Variants in ATP2B4 observed in about 807,000 individuals in gnomAD.
The protein encoded by ATP2B4 is plasma membrane calcium-transporting ATPase 4.
Under a neutral mutation model 110.3 loss-of-function variants are expected in ATP2B4, and 39 were observed. The ratio of observed to expected loss-of-function variants is 0.35; its 90% confidence interval spans 0.27 to 0.46. ATP2B4 has a LOEUF of 0.46. Among genes scored for constraint, ATP2B4 ranks in the 20% least tolerant of loss-of-function variants. The pLI, the probability that ATP2B4 is intolerant of heterozygous loss-of-function variation, is 1.00. For synonymous variants in ATP2B4, 538 were observed against 571.7 expected (o/e 0.94, Z 0.84); for missense variants, 1,135 against 1,530.9 (o/e 0.74, Z 4.32).
At chr1:203,646,711 C>T (rs1263524064) in intron 1 of ATP2B4, among the ~76,000 whole-genome samples, 1 of 151,850 alleles carries the variant, frequency 6.6e-6, no homozygotes. Context: ...TACAGTGAGC[C>T]GAGATTGTGC....
chr1:203,669,402 A>T (rs527868833), intron 1 of ATP2B4, among the ~76,000 whole-genome samples: 1 of 152,172 alleles, frequency 6.6e-6, no homozygotes, highest in East Asian at 1.9e-4. Context: ...TGGAGACTGG[A>T]TCCCTTTCCA....
intron 1 of ATP2B4, among the ~76,000 whole-genome samples, chr1:203,679,676 A>C (rs1664939623): frequency 6.6e-6 from 1 of 152,140 alleles, no homozygotes; most frequent in Non-Finnish European, 1.5e-5. Flanking sequence ...CAAGGTCAAG[A>C]GATCGAGACC....
chr1:203,705,540 C>G (rs565016872), intron 8 of ATP2B4, among the ~76,000 whole-genome samples: 49 of 152,318 alleles, frequency 3.2e-4, no homozygotes, highest in African/African-American at 1.2e-3. Context: ...TGTGCATCAC[C>G]ATGCCTGGCT....
intron 20 of ATP2B4, among the ~76,000 whole-genome samples, chr1:203,739,008 T>C (rs551578802): frequency 6.6e-6 from 1 of 152,350 alleles, no homozygotes; most frequent in South Asian, 2.1e-4. Context: ...TGGTCACTCG[T>C]CACCCAACCT....
At chr1:203,707,359 T>G in intron 9 of ATP2B4, 136 bp downstream of exon 9, 1 of 743,578 alleles carries the variant, frequency 1.3e-6, no homozygotes, top group African/African-American at 1.8e-5. Context: ...CAGAAGTCCC[T>G]GGTATTATGG....
Position 203,727,451 on chromosome 1 carries a change from C to A in ATP2B4, c.3189C>A (p.Gly1063=), listed in dbSNP as rs1393034003. 1.2e-6 allele frequency: 2 copies of A among 1,614,112 alleles called. No homozygotes were observed. The highest frequency in any genetic ancestry group is 2.7e-5 in the African/African-American group (2 of 74,942). Residue 1063 remains glycine (G), a synonymous_variant, in exon 20 of 21, where the codon GGC becomes GGA. Coordinates refer to ENST00000357681, the MANE Select transcript of ATP2B4 (RefSeq NM_001684.5). ...SLKFLKEAGH[G]TTKEEITKDA... ...AGTTCCTGAAGGAGGCTGGGCATGG[C>A]ACCACCAAAGAGGAGATCACCAAGG...
At chr1:203,649,089 A>G (rs1167628664) in intron 1 of ATP2B4, among the ~76,000 whole-genome samples, 1 of 152,086 alleles carries the variant, frequency 6.6e-6, no homozygotes, top group Non-Finnish European at 1.5e-5. Context: ...ACAGATTCGT[A>G]TTTATGGAGA....
At chr1:203,636,592 T>G (rs757253352) in intron 1 of ATP2B4, among the ~76,000 whole-genome samples, 7 of 152,184 alleles carry the variant, frequency 4.6e-5, no homozygotes, top group Non-Finnish European at 2.9e-5. Context: ...TCTAGTGGGC[T>G]GCCAGGCTTG....
intron 20 of ATP2B4, among the ~76,000 whole-genome samples, chr1:203,736,129 C>A (rs901027673): frequency 6.6e-6 from 1 of 152,182 alleles, no homozygotes; most frequent in African/African-American, 2.4e-5. Context: ...TAAGATTTCC[C>A]TGCATAGGGA....
At chr1:203,713,280 G>A (rs1305323722) in intron 14 of ATP2B4, 28 bp downstream of exon 14, 4 of 1,612,126 alleles carry the variant, frequency 2.5e-6, no homozygotes, top group Admixed American at 3.3e-5. Flanking sequence ...ATAGGTGCCT[G>A]CAACAGCTGA....
chr1:203,642,749 C>T (rs998313417), intron 1 of ATP2B4, among the ~76,000 whole-genome samples: 1 of 152,088 alleles, frequency 6.6e-6, no homozygotes, highest in Non-Finnish European at 1.5e-5. Flanking sequence ...TATAAAAGTG[C>T]AGATTTGAGG....
chr1:203,697,903 C>T (rs1019252887), intron 2 of ATP2B4, among the ~76,000 whole-genome samples: 7 of 152,138 alleles, frequency 4.6e-5, no homozygotes, highest in Non-Finnish European at 1.0e-4. Context: ...CAAGGTTTCA[C>T]CATGTTGCCC....
At chr1:203,714,651 T>G (rs372341595) in intron 15 of ATP2B4, among the ~76,000 whole-genome samples, 3 of 152,184 alleles carry the variant, frequency 2.0e-5, no homozygotes, top group Non-Finnish European at 2.9e-5. Context: ...GCCAAGAGCA[T>G]CAGAATCACT....
At chr1:203,680,473 G>A (rs1048343896) in intron 1 of ATP2B4, among the ~76,000 whole-genome samples, 18 of 152,212 alleles carry the variant, frequency 1.2e-4, no homozygotes, top group African/African-American at 4.3e-4. Context: ...GCCGGGTGTG[G>A]TGGTGGGCGC....
chr1:203,728,307 A>G (rs1666583219), intron 20 of ATP2B4: 1 of 386,424 alleles, frequency 2.6e-6, no homozygotes, highest in Non-Finnish European at 5.3e-6. Context: ...TATTTTTTCC[A>G]CTTTCCATGC....
intron 1 of ATP2B4, among the ~76,000 whole-genome samples, chr1:203,640,135 T>C (rs1663582188): frequency 6.6e-6 from 1 of 152,110 alleles, no homozygotes; most frequent in African/African-American, 2.4e-5. Context: ...AAGTGCTAGA[T>C]ATACGTAAAG....
At position 203,707,199 on chromosome 1, in the gene ATP2B4, C is replaced by T; in HGVS notation, c.1290C>T (p.Thr430=). The T allele has an allele frequency of 6.2e-7, 1 of 1,613,924 alleles. No homozygotes were observed. Among genetic ancestry groups the T allele is most frequent in the Non-Finnish European group, 8.5e-7 (1 of 1,179,962 alleles). The change falls in exon 9 of 21, where the codon ACC becomes ACT. Residue 430 remains threonine (T), a synonymous_variant. Coordinates refer to ENST00000357681, the MANE Select transcript of ATP2B4 (RefSeq NM_001684.5). ...AVPEGLPLAV[T]ISLAYSVKKM... is the part of the protein sequence containing the mutation. Reference sequence around the variant, plus strand: ...CAGAGGGGCTGCCTCTGGCTGTCACCATCTCACTGGCCTACTCTGTGAAGG... The same window carrying T: ...CAGAGGGGCTGCCTCTGGCTGTCACTATCTCACTGGCCTACTCTGTGAAGG...
In ATP2B4 at chr1:203,739,827, T is replaced by C; in HGVS notation, c.3591T>C (p.Ser1197=). ...TGCAGCTCCCCCAGTCGGACAGCTCTCTACAGAGCCTAGAGACATCAGTTT... is the reference window on the plus strand; with the variant it reads ...TGCAGCTCCCCCAGTCGGACAGCTCCCTACAGAGCCTAGAGACATCAGTTT... ...NQVQLPQSDS[S]LQSLETSV Residue 1197 remains serine (S), a synonymous_variant, in exon 21 of 21, where the codon TCT becomes TCC. Transcript: ENST00000357681. The C allele has an allele frequency of 6.2e-7, 1 of 1,613,942 alleles. No individual in the cohort carries two copies. The highest frequency in any genetic ancestry group is 8.5e-7 in the Non-Finnish European group (1 of 1,179,962).
At chr1:203,709,615 T>C (rs1558044970) in intron 11 of ATP2B4, 73 bp downstream of exon 11, 1 of 1,589,878 alleles carries the variant, frequency 6.3e-7, no homozygotes, top group Non-Finnish European at 8.6e-7. Flanking sequence ...CACCCCACAC[T>C]GAACCCATGT....
Sources: gnomAD v4.1 joint callset for allele counts (sites outside exome capture counted in the v4.1 genomes callset) on GRCh38, gnomAD v4.1.1 for gene constraint, MANE v1.5 for transcripts, NCBI Gene and HGNC (gene_info 2026-07-23, HGNC 2026-07-21) for gene names.